The following SLC35D4 variants were observed in gnomAD, a reference collection of about 807,000 sequenced individuals.
SLC35D4 encodes UDP-N-acetylglucosamine transporter SLC35D4.
At chr18:23,370,161 T>G in the SLC35D4 span, 2 of 1,495,476 alleles carry the variant, frequency 1.3e-6, no homozygotes, top group Non-Finnish European at 1.8e-6. Flanking sequence ...ATCACGCCAT[T>G]GCACTCCAAC....
the SLC35D4 span, among the ~76,000 whole-genome samples, chr18:23,358,858 T>G: frequency 2.0e-4 from 30 of 152,302 alleles, no homozygotes; most frequent in East Asian, 5.4e-3. Flanking sequence ...TTCGATGCCT[T>G]CCACCTGGCT....
the SLC35D4 span, among the ~76,000 whole-genome samples, chr18:23,332,610 A>C: frequency 6.5e-3 from 989 of 152,322 alleles, 11 homozygotes; most frequent in African/African-American, 0.023. Context: ...CTGAAAGCTG[A>C]AATTTCACCT....
At chr18:23,246,753 A>G in the SLC35D4 span, among the ~76,000 whole-genome samples, 1 of 151,754 alleles carries the variant, frequency 6.6e-6, no homozygotes, top group African/African-American at 2.4e-5. Context: ...GAGCAGTGGC[A>G]CCATCTTGGC....
the SLC35D4 span, among the ~76,000 whole-genome samples, chr18:23,248,512 CTTTTTTTTTTTTTTTTTTTTT>C: frequency 1.1e-5 from 1 of 90,714 alleles, no homozygotes; most frequent in Non-Finnish European, 2.1e-5. Context: ...GACCCTATGT[CTTTTTTTTTTTTTTTTTTTTT>C]TTTTTAAAAA....
the SLC35D4 span, among the ~76,000 whole-genome samples, chr18:23,354,357 A>T: frequency 6.1e-4 from 92 of 150,368 alleles, no homozygotes; most frequent in African/African-American, 2.2e-3. Flanking sequence ...AAAAAAAAAA[A>T]AAAAAAAAAG....
the SLC35D4 span, chr18:23,297,638 C>A: frequency 4.4e-4 from 98 of 223,850 alleles, no homozygotes; most frequent in Non-Finnish European, 1.4e-4. Flanking sequence ...CATGTGGCAT[C>A]CAGAGGTGTG....
chr18:23,397,100 G>A, the SLC35D4 span, among the ~76,000 whole-genome samples: 5 of 152,044 alleles, frequency 3.3e-5, no homozygotes, highest in African/African-American at 1.2e-4. Flanking sequence ...TGTGTGGGGC[G>A]GCGGGGGGAG....
the SLC35D4 span, among the ~76,000 whole-genome samples, chr18:23,256,268 C>T: frequency 3.3e-5 from 5 of 152,214 alleles, no homozygotes; most frequent in Non-Finnish European, 7.3e-5. Flanking sequence ...TCCTTCCTTT[C>T]CAGCTCCAGC....
At chr18:23,377,165 T>TTA in the SLC35D4 span, among the ~76,000 whole-genome samples, 1 of 152,150 alleles carries the variant, frequency 6.6e-6, no homozygotes, top group Non-Finnish European at 1.5e-5. Flanking sequence ...ACGGCCCAGT[T>TTA]TACGCTGTAG....
chr18:23,401,779 T>G, the SLC35D4 span, among the ~76,000 whole-genome samples: 2 of 152,232 alleles, frequency 1.3e-5, no homozygotes, highest in African/African-American at 4.8e-5. Flanking sequence ...AGAAAACTGC[T>G]GAGTTATATA....
chr18:23,282,865 A>C, the SLC35D4 span, among the ~76,000 whole-genome samples: 4 of 151,920 alleles, frequency 2.6e-5, no homozygotes, highest in African/African-American at 4.8e-5. Flanking sequence ...AAGGGTCATG[A>C]GTAGGTGACA....
At chr18:23,258,603 G>A in the SLC35D4 span, 1 of 152,244 alleles carries the variant, frequency 6.6e-6, no homozygotes. Context: ...CCTGACTGAA[G>A]AGAGCCTGTG....
At chr18:23,399,116 T>A in the SLC35D4 span, among the ~76,000 whole-genome samples, 2 of 152,230 alleles carry the variant, frequency 1.3e-5, no homozygotes, top group African/African-American at 4.8e-5. Flanking sequence ...CTTCCCCGTG[T>A]ACAGGACATC....
At chr18:23,291,993 A>G in the SLC35D4 span, among the ~76,000 whole-genome samples, 1 of 152,214 alleles carries the variant, frequency 6.6e-6, no homozygotes, top group Non-Finnish European at 1.5e-5. Context: ...TCAAAGGACC[A>G]TTAAGTAACT....
the SLC35D4 span, among the ~76,000 whole-genome samples, chr18:23,404,727 C>T: frequency 6.6e-6 from 1 of 150,596 alleles, no homozygotes; most frequent in East Asian, 2.0e-4. Context: ...ACTGGTAATC[C>T]CAGCACTCCC....
chr18:23,335,017 AAAGC>A, the SLC35D4 span, among the ~76,000 whole-genome samples: 1 of 151,594 alleles, frequency 6.6e-6, no homozygotes, highest in African/African-American at 2.4e-5. Flanking sequence ...AAAAAAAAAG[AAAGC>A]AAGCAAGCAA....
At chr18:23,339,857 A>G in the SLC35D4 span, among the ~76,000 whole-genome samples, 7 of 152,146 alleles carry the variant, frequency 4.6e-5, no homozygotes, top group Non-Finnish European at 7.4e-5. Flanking sequence ...CTCTGCCTTT[A>G]TGAGCTACTC....
At chr18:23,331,960 A>T in the SLC35D4 span, among the ~76,000 whole-genome samples, 3 of 138,460 alleles carry the variant, frequency 2.2e-5, no homozygotes, top group African/African-American at 8.3e-5. Context: ...ATCATAACTC[A>T]CGGCAGTCTT....
chr18:23,398,384 G>A, the SLC35D4 span, among the ~76,000 whole-genome samples: 1 of 152,180 alleles, frequency 6.6e-6, no homozygotes, highest in South Asian at 2.1e-4. Flanking sequence ...GCAACACATT[G>A]CTTTTACCAA....
Sources: allele counts gnomAD v4.1 joint callset (sites outside exome capture counted in the v4.1 genomes callset), GRCh38; gene constraint gnomAD v4.1.1; transcripts MANE v1.5; gene names NCBI Gene and HGNC (gene_info 2026-07-23, HGNC 2026-07-21).